The following GPHN variants were observed in gnomAD, a reference collection of about 807,000 sequenced individuals.
GPHN encodes gephyrin.
Under a neutral mutation model 95.5 loss-of-function variants are expected in GPHN, and 17 were observed. That is an observed-to-expected ratio of 0.18 (90% CI 0.12 to 0.27). The LOEUF is 0.27. Ranked by LOEUF, GPHN falls within the 10% of genes least tolerant of loss-of-function variation. The pLI is 1.00. For missense variants in GPHN, 660 were observed against 978.1 expected, an observed-to-expected ratio of 0.67 and a Z score of 4.34; for synonymous variants, 320 against 322.5, an observed-to-expected ratio of 0.99 and a Z score of 0.08.
At chr14:66,737,688 C>T (rs2072416599) in intron 2 of GPHN, among the ~76,000 whole-genome samples, 1 of 152,202 alleles carries the variant, frequency 6.6e-6, no homozygotes, top group African/African-American at 2.4e-5. Context: ...CCAGCAAATA[C>T]TGGCCCCAGA....
At chr14:67,136,470 A>G (rs1490067515) in intron 17 of GPHN, among the ~76,000 whole-genome samples, 3 of 152,146 alleles carry the variant, frequency 2.0e-5, no homozygotes, top group Non-Finnish European at 4.4e-5. Flanking sequence ...TTTCAAGTAG[A>G]CTTCAGACTT....
chr14:67,627,277 A>ATATATC, the GPHN span, among the ~76,000 whole-genome samples: 3 of 148,776 alleles, frequency 2.0e-5, no homozygotes, highest in East Asian at 4.0e-4. Context: ...ATATATATAT[A>ATATATC]TATATCTGAA....
intron 9 of GPHN, among the ~76,000 whole-genome samples, chr14:67,011,997 C>A (rs1412473200): frequency 6.6e-6 from 1 of 152,154 alleles, no homozygotes. Flanking sequence ...AGGAACCAAA[C>A]TGGAATGCAA....
intron 3 of GPHN, among the ~76,000 whole-genome samples, chr14:66,819,614 G>A (rs1385376392): frequency 1.3e-5 from 2 of 151,484 alleles, no homozygotes; most frequent in African/African-American, 4.9e-5. Flanking sequence ...TTGTTTTTTT[G>A]TTTTTGTTTT....
chr14:66,579,651 T>TA (rs1304545750), intron 1 of GPHN, among the ~76,000 whole-genome samples: 1 of 151,762 alleles, frequency 6.6e-6, no homozygotes, highest in Non-Finnish European at 1.5e-5. Flanking sequence ...ATCAAGAAGA[T>TA]ACAGCAATTG....
At chr14:67,345,459 G>C in the GPHN span, among the ~76,000 whole-genome samples, 5 of 151,952 alleles carry the variant, frequency 3.3e-5, no homozygotes, top group African/African-American at 1.2e-4. Flanking sequence ...GGAGGCTGAG[G>C]CAGAAGAATC....
At chr14:66,891,666 C>A (rs2064509066) in intron 5 of GPHN, among the ~76,000 whole-genome samples, 1 of 151,984 alleles carries the variant, frequency 6.6e-6, no homozygotes. Context: ...TGTTGAAAAT[C>A]TTTGTACATT....
intron 1 of GPHN, among the ~76,000 whole-genome samples, chr14:66,592,418 A>T (rs71438666): frequency 6.6e-6 from 1 of 151,828 alleles, no homozygotes; most frequent in African/African-American, 2.4e-5. Context: ...ACAAAGGGCC[A>T]ATATCCAGAA....
chr14:66,704,041 T>G (rs1595616724), intron 2 of GPHN, among the ~76,000 whole-genome samples: 1 of 147,500 alleles, frequency 6.8e-6, no homozygotes, highest in African/African-American at 2.5e-5. Flanking sequence ...AAAACAGAGT[T>G]TAAACCAACA....
chr14:66,729,768 G>A (rs1318805923), intron 2 of GPHN, among the ~76,000 whole-genome samples: 1 of 152,182 alleles, frequency 6.6e-6, no homozygotes, highest in Non-Finnish European at 1.5e-5. Context: ...CAACAGTGAA[G>A]GTGGAATACG....
At chr14:67,616,363 C>T in the GPHN span, 79 of 152,090 alleles carry the variant, frequency 5.2e-4, no homozygotes, top group East Asian at 6.1e-3. Context: ...AGCAGGTTTT[C>T]GTTGGTGCAC....
At chr14:67,003,293 A>G (rs2072367119) in intron 9 of GPHN, among the ~76,000 whole-genome samples, 1 of 151,758 alleles carries the variant, frequency 6.6e-6, no homozygotes, top group Admixed American at 6.6e-5. Context: ...AAGTAACTTT[A>G]TAGTGACTAG....
chr14:67,407,386 G>T, the GPHN span, among the ~76,000 whole-genome samples: 1 of 151,850 alleles, frequency 6.6e-6, no homozygotes, highest in African/African-American at 2.4e-5. Context: ...CTCCTAAAAT[G>T]CTGGGATTAC....
the GPHN span, among the ~76,000 whole-genome samples, chr14:67,720,305 T>C: frequency 6.6e-6 from 1 of 152,236 alleles, no homozygotes; most frequent in Non-Finnish European, 1.5e-5. Flanking sequence ...CTTCAAAGCC[T>C]GTTATGAATA....
Position 66,644,240 on chromosome 14 carries a change from T to C in GPHN, c.65-36867T>C, listed in dbSNP as rs535434117. 2.6e-5 allele frequency among the ~76,000 whole-genome samples: 4 copies of C among 152,214 alleles called. No homozygotes were observed. In the South Asian group the frequency reaches 6.2e-4, roughly 24 times the overall value. On this transcript the variant is annotated intron_variant, in intron 1 of 22. Transcript: ENST00000478722. ...GTAATTACAAGTTATATTAAGATTG[T>C]AAATGATCTGTATACTGCAGACATC...
Position 67,139,152 on chromosome 14 carries a change from G to A in GPHN, c.1749-4210G>A, listed in dbSNP as rs1382161354. ...ACAGGAGAGTTGCTTGAACCCAGGA[G>A]GCGGAGGTTGCAGTGAGCCGAGATC... On this transcript the variant is annotated intron_variant, in intron 17 of 22. Transcript: ENST00000478722. Among the ~76,000 whole-genome samples the A allele has an allele frequency of 2.6e-5, 4 of 151,700 alleles. No homozygotes were observed. The East Asian group carries it at 7.7e-4, about 29-fold the overall frequency.
chr14:67,168,190 C>A (rs73276986), intron 20 of GPHN, among the ~76,000 whole-genome samples: 4,524 of 152,276 alleles, frequency 0.03, 247 homozygotes, highest in African/African-American at 0.1. Flanking sequence ...TTGTAGACAG[C>A]AACCTTTTCA....
intron 1 of GPHN, among the ~76,000 whole-genome samples, chr14:66,559,916 A>G (rs906320836): frequency 2.2e-4 from 34 of 152,112 alleles, no homozygotes; most frequent in East Asian, 1.9e-4. Flanking sequence ...TAATTTTTGT[A>G]TAAGGTGTAA....
At chr14:66,946,182 G>T (rs2067739289) in intron 8 of GPHN, among the ~76,000 whole-genome samples, 1 of 152,106 alleles carries the variant, frequency 6.6e-6, no homozygotes, top group Admixed American at 6.6e-5. Context: ...AGCATGAAAG[G>T]TAATACAGTT....
Sources: gnomAD v4.1 joint callset for allele counts (sites outside exome capture counted in the v4.1 genomes callset) on GRCh38, gnomAD v4.1.1 for gene constraint, MANE v1.5 for transcripts, NCBI Gene and HGNC (gene_info 2026-07-23, HGNC 2026-07-21) for gene names.